The following CACNG2 variants were observed in gnomAD, a reference collection of about 807,000 sequenced individuals.
CACNG2 encodes voltage-dependent calcium channel gamma-2 subunit.
A neutral mutation model predicts 25.9 loss-of-function variants in CACNG2; 3 were observed. The observed-to-expected ratio is 0.12, with a 90% CI of 0.05 to 0.30. The LOEUF is 0.30. CACNG2 is among the 10% of genes least tolerant of loss of function. The pLI is 1.00. For synonymous variants in CACNG2, 167 were observed against 173.3 expected (o/e 0.96, Z 0.29); for missense variants, 341 against 432.5 (o/e 0.79, Z 1.88).
At chr22:36,594,625 C>T (rs2145927152) in intron 1 of CACNG2, among the ~76,000 whole-genome samples, 1 of 152,250 alleles carries the variant, frequency 6.6e-6, no homozygotes, top group South Asian at 2.1e-4. Context: ...GGTGCCTGAG[C>T]TGACACAAAG....
intron 1 of CACNG2, among the ~76,000 whole-genome samples, chr22:36,669,935 A>G (rs1390957003): frequency 1.3e-5 from 2 of 151,784 alleles, no homozygotes; most frequent in Non-Finnish European, 2.9e-5. Flanking sequence ...CTGGTCTCAA[A>G]CTCCTGACCT....
At chr22:36,616,061 A>G (rs999149250) in intron 1 of CACNG2, among the ~76,000 whole-genome samples, 18 of 152,150 alleles carry the variant, frequency 1.2e-4, no homozygotes, top group Admixed American at 9.2e-4. Flanking sequence ...TCAACTCAGA[A>G]ACTTATGTCA....
intron 1 of CACNG2, among the ~76,000 whole-genome samples, chr22:36,634,502 C>T (rs749157348): frequency 7.9e-5 from 12 of 152,162 alleles, no homozygotes; most frequent in African/African-American, 1.2e-4. Context: ...TTCTATGAAT[C>T]GAGCCACTGT....
intron 1 of CACNG2, among the ~76,000 whole-genome samples, chr22:36,607,482 T>C (rs1935859304): frequency 6.6e-6 from 1 of 152,198 alleles, no homozygotes; most frequent in African/African-American, 2.4e-5. Flanking sequence ...GCTCAAGTGA[T>C]TCTTTCACCT....
At chr22:36,669,972 C>T (rs1464666619) in intron 1 of CACNG2, among the ~76,000 whole-genome samples, 1 of 152,160 alleles carries the variant, frequency 6.6e-6, no homozygotes. Flanking sequence ...CCTTGGCCTC[C>T]TAAATGCTGG....
At chr22:36,659,493 A>T (rs1009095234) in intron 1 of CACNG2, among the ~76,000 whole-genome samples, 1 of 152,128 alleles carries the variant, frequency 6.6e-6, no homozygotes, top group African/African-American at 2.4e-5. Context: ...TACCTTGCCC[A>T]AGTTCATGAA....
intron 1 of CACNG2, among the ~76,000 whole-genome samples, chr22:36,651,224 CTTTTTTT>C (rs11411019): frequency 4.8e-5 from 4 of 83,138 alleles, no homozygotes; most frequent in African/African-American, 9.5e-5. Context: ...CTTCTTCCTC[CTTTTTTT>C]TTTTTTTTTT....
chr22:36,689,584 T>G (rs1937243250), intron 1 of CACNG2, among the ~76,000 whole-genome samples: 1 of 152,252 alleles, frequency 6.6e-6, no homozygotes. Flanking sequence ...GTTAATATTC[T>G]TTCTGGGCAA....
intron 1 of CACNG2, among the ~76,000 whole-genome samples, chr22:36,626,268 T>C (rs1936181799): frequency 6.6e-6 from 1 of 152,148 alleles, no homozygotes; most frequent in African/African-American, 2.4e-5. Flanking sequence ...AGCTCCAAAT[T>C]CTAACCCTAT....
At chr22:36,617,145 G>A (rs1184801628) in intron 1 of CACNG2, among the ~76,000 whole-genome samples, 1 of 152,192 alleles carries the variant, frequency 6.6e-6, no homozygotes, top group Non-Finnish European at 1.5e-5. Context: ...GCTAGACCAG[G>A]TCATGGGGGT....
intron 2 of CACNG2, 50 bp from the exon 3 acceptor site, chr22:36,566,543 C>T: frequency 6.2e-7 from 1 of 1,607,624 alleles, no homozygotes; most frequent in African/African-American, 1.3e-5. Flanking sequence ...GGCTGTGAGA[C>T]TGAGGCACAC....
intron 1 of CACNG2, among the ~76,000 whole-genome samples, chr22:36,638,780 C>T (rs1936397745): frequency 6.6e-6 from 1 of 152,156 alleles, no homozygotes; most frequent in East Asian, 1.9e-4. Context: ...CCACGATATC[C>T]CCAGCGTTTC....
chr22:36,606,924 ATGTG>A lies in CACNG2; in HGVS notation c.212-19380_212-19377del, dbSNP rs1935845196. Among the ~76,000 whole-genome samples the A allele has an allele frequency of 6.7e-6, 1 of 149,746 alleles. No homozygotes were observed. Among genetic ancestry groups the A allele is most frequent in the Admixed American group, 6.6e-5 (1 of 15,050 alleles). ...GGTGTGTGTATGCATGTGTGTGTAT[ATGTG>A]TGTATGTGTTTATATGGGTGTGTGT... On this transcript the variant is annotated intron_variant, in intron 1 of 3. Coordinates refer to ENST00000300105, the MANE Select transcript of CACNG2 (RefSeq NM_006078.5). The surrounding 1 kb of genome is among the most constrained non-coding windows in gnomAD (Gnocchi z 5.7).
chr22:36,586,395 T>C (rs1935502719), intron 2 of CACNG2, among the ~76,000 whole-genome samples: 1 of 152,252 alleles, frequency 6.6e-6, no homozygotes, highest in Admixed American at 6.5e-5. Context: ...GAGCAGGGTA[T>C]GATATTTTTT....
At chr22:36,618,778 G>C (rs2283990) in intron 1 of CACNG2, among the ~76,000 whole-genome samples, 80,711 of 151,814 alleles carry the variant, frequency 0.53, 23,411 homozygotes, top group Non-Finnish European at 0.64. Flanking sequence ...AAATTAGCTG[G>C]GTGTGGTGGT....
chr22:36,604,503 T>C (rs1033305644), intron 1 of CACNG2, among the ~76,000 whole-genome samples: 10 of 152,198 alleles, frequency 6.6e-5, no homozygotes, highest in Admixed American at 3.3e-4. Context: ...AGAAATCTTT[T>C]GCGAAAGGAA....
rs916573863 is a variant in CACNG2 at position 36,564,100 on chromosome 22, T to G, written c.*251A>C. 5.3e-6 allele frequency: 2 copies of G among 375,216 alleles called. No homozygotes were observed. The highest frequency in any genetic ancestry group is 1.8e-4 in the South Asian group (2 of 11,248). The allele number at this position is 375,216 out of a possible 1,614,324, so 23.2% of individuals were successfully genotyped here. On this transcript the variant is annotated 3_prime_UTR_variant, in exon 4 of 4. Coordinates refer to ENST00000300105, the MANE Select transcript of CACNG2 (RefSeq NM_006078.5). This position sits in a 1 kb window ranked among gnomAD's most constrained non-coding sequence, Gnocchi z 6.7. ...AGTTTGTTTTCTTCCCTCGTTTATATTTTCCCACATTTCCTGTTGTTTTGC... is the reference window on the plus strand; with the variant it reads ...AGTTTGTTTTCTTCCCTCGTTTATAGTTTCCCACATTTCCTGTTGTTTTGC...
intron 1 of CACNG2, among the ~76,000 whole-genome samples, chr22:36,638,021 CAA>C (rs539878708): frequency 3.7e-5 from 5 of 134,754 alleles, no homozygotes; most frequent in Admixed American, 1.5e-4. Flanking sequence ...GAATCCATCT[CAA>C]AAAAAAAAAA....
chr22:36,564,227 T>G lies in CACNG2; in HGVS notation c.*124A>C, dbSNP rs1935083004. 1.2e-6 allele frequency: 1 copy of G among 803,336 alleles called. No individual in the cohort carries two copies. Among genetic ancestry groups the G allele is most frequent in the Non-Finnish European group, 1.9e-6 (1 of 539,220 alleles). The allele number at this position is 803,336 out of a possible 1,614,324, so 49.8% of individuals were successfully genotyped here. ...TGTTTTTTTGTTTTTTGTTTTTTTG[T>G]TTTTTTTGTTTTTTGTTTTTGCTTT... is the stretch of plus-strand genomic sequence containing the variant. On this transcript the variant is annotated 3_prime_UTR_variant, in exon 4 of 4. Coordinates refer to ENST00000300105, the MANE Select transcript of CACNG2 (RefSeq NM_006078.5). The surrounding 1 kb of genome is among the most constrained non-coding windows in gnomAD (Gnocchi z 6.7).
Sources: gnomAD v4.1 joint callset for allele counts (sites outside exome capture counted in the v4.1 genomes callset) on GRCh38, gnomAD v4.1.1 for gene constraint, Gnocchi (gnomAD v3.1) non-coding constraint, MANE v1.5 for transcripts, NCBI Gene and HGNC (gene_info 2026-07-23, HGNC 2026-07-21) for gene names.